Variants in N4BP3 observed in about 807,000 individuals in gnomAD.
The protein encoded by N4BP3 is NEDD4 binding protein 3.
Under a neutral mutation model 43.8 loss-of-function variants are expected in N4BP3, and 33 were observed. That is an observed-to-expected ratio of 0.75 (90% confidence interval 0.57 to 1.01). The LOEUF (loss-of-function observed/expected upper bound fraction) is 1.01, where lower values mean the gene tolerates loss of function less well. Among genes scored for constraint, N4BP3 ranks in the 50% least tolerant of loss-of-function variants. The pLI, the probability that N4BP3 is intolerant of heterozygous loss-of-function variation, is 0.00. For synonymous variants in N4BP3, 326 were observed against 321.9 expected (o/e 1.01, Z -0.14); for missense variants, 756 against 744.2 (o/e 1.02, Z -0.18).
chr5:178,114,485 T>G (rs1028940025), intron 1 of N4BP3, among the ~76,000 whole-genome samples: 2 of 152,112 alleles, frequency 1.3e-5, no homozygotes, highest in African/African-American at 4.8e-5. Context: ...AGGGCTGGCC[T>G]GGGGACAAGC....
In N4BP3 at chr5:178,119,723, G is replaced by A. The variant is rs150025670; in HGVS notation, c.140G>A (p.Arg47Gln). The A allele has an allele frequency of 1.2e-5, 20 of 1,613,282 alleles. No homozygotes were observed. Among genetic ancestry groups the A allele is most frequent in the Admixed American group, 5.0e-5 (3 of 59,974 alleles). Residue 47 changes from arginine (R) to glutamine (Q), a missense_variant, in exon 2 of 5, where the codon CGG becomes CAG. Arg to Gln is a conservative substitution (Grantham distance 43). Transcript: ENST00000274605. ...RGSRQPDGLL[R>Q]KGLGQREFLS... is the part of the protein sequence containing the mutation. ...TCCCGCCAGCCTGATGGGCTCCTCC[G>A]GAAGGGCTTGGGCCAGCGTGAGTTC...
chr5:178,116,845 C>T (rs1757783929), intron 1 of N4BP3, among the ~76,000 whole-genome samples: 1 of 152,202 alleles, frequency 6.6e-6, no homozygotes, highest in Non-Finnish European at 1.5e-5. Context: ...GTATTTGGCA[C>T]TGCTGCCAAC....
rs557780524 is a variant in N4BP3 at position 178,120,021 on chromosome 5, G to A, written c.330+108G>A. 29 of 1,470,552 alleles carry A rather than the reference G, an allele frequency of 2.0e-5. No homozygotes were observed. The African/African-American group carries it at 3.2e-4, about 16-fold the overall frequency. The allele number at this position is 1,470,552 out of a possible 1,614,324, so 91.1% of individuals were successfully genotyped here. On this transcript the variant is annotated intron_variant, in intron 2 of 4. Transcript: ENST00000274605. ...CGGGGCATGCTGAGATACGAAAATC[G>A]TGCTATGGGCTGGCCTGAGGTTTGT...
Position 178,120,542 on chromosome 5 carries a change from C to T in N4BP3, c.695C>T (p.Ala232Val), listed in dbSNP as rs201934010. The T allele has an allele frequency of 7.8e-5, 126 of 1,613,122 alleles. 2 individuals are homozygous for T. In the Admixed American group the frequency reaches 2.1e-3, roughly 27 times the overall value. The change falls in exon 3 of 5, where the codon GCT becomes GTT. Residue 232 changes from alanine (A) to valine (V), a missense_variant. Transcript: ENST00000274605. ...LDRASQGPKE[A>V]GPPAVLSCLP... ...CGGGCCTCTCAAGGACCCAAGGAGGCTGGGCCACCAGCTGTGCTGAGCTGC... is the reference window on the plus strand; with the variant it reads ...CGGGCCTCTCAAGGACCCAAGGAGGTTGGGCCACCAGCTGTGCTGAGCTGC...
downstream of N4BP3, chr5:178,126,202 A>G (rs1758061320): frequency 6.6e-6 from 1 of 151,596 alleles, no homozygotes; most frequent in Admixed American, 6.6e-5. Context: ...TATTTTTTTG[A>G]GATGGAGTCT....
intron 1 of N4BP3, among the ~76,000 whole-genome samples, chr5:178,117,221 T>C (rs1028080051): frequency 6.6e-6 from 1 of 152,104 alleles, no homozygotes; most frequent in Non-Finnish European, 1.5e-5. Flanking sequence ...GTCTCTGCTG[T>C]CCCCTCCCCA....
In N4BP3 at chr5:178,124,558, T is replaced by G. The variant is rs1450859577; in HGVS notation, c.*2557T>G. 6.6e-6 allele frequency: 1 copy of G among 152,258 alleles called. No homozygotes were observed. The highest frequency in any genetic ancestry group is 2.4e-5 in the African/African-American group (1 of 41,388). The allele number at this position is 152,258 out of a possible 1,614,324, so 9.4% of individuals were successfully genotyped here. ...CTGGCTTAGCCTTCCCTGCAGCCCCTCCCCAACAGGCTTGGTCCGGGCAGC... is the reference window on the plus strand; with the variant it reads ...CTGGCTTAGCCTTCCCTGCAGCCCCGCCCCAACAGGCTTGGTCCGGGCAGC... On this transcript the variant is annotated 3_prime_UTR_variant, in exon 5 of 5. Transcript: ENST00000274605.
At position 178,121,255 on chromosome 5, in the gene N4BP3, T is replaced by A; in HGVS notation, c.1010T>A (p.Leu337Gln). 1 of 1,606,510 alleles carries A rather than the reference T, an allele frequency of 6.2e-7. No homozygotes were observed. ...QQEQRRLRKE[L>Q]RAQQGLAPEP... ...GAGCAGCGGCGCCTGCGCAAGGAGC[T>A]GCGGGCTCAGCAGGGCCTGGCTCCG... Residue 337 changes from leucine (L) to glutamine (Q), a missense_variant, in exon 4 of 5, where the codon CTG becomes CAG. Coordinates refer to ENST00000274605, the MANE Select transcript of N4BP3 (RefSeq NM_015111.2).
rs1336608271 is a variant in N4BP3 at position 178,121,766 on chromosome 5, A to G, written c.1400A>G (p.Gln467Arg). 10 of 1,608,302 alleles carry G rather than the reference A, an allele frequency of 6.2e-6. No homozygotes were observed. Among genetic ancestry groups the G allele is most frequent in the Non-Finnish European group, 8.5e-6 (10 of 1,179,720 alleles). The change falls in exon 5 of 5, where the codon CAG (glutamine) becomes CGG (arginine). Residue 467 changes from glutamine (Q) to arginine (R), a missense_variant. Coordinates refer to ENST00000274605, the MANE Select transcript of N4BP3 (RefSeq NM_015111.2). ...GGSEARDSAEQLRAELLQERL... is the reference protein window; with the variant it reads ...GGSEARDSAERLRAELLQERL... Reference sequence around the variant, plus strand: ...AGCGAGGCCAGAGACAGTGCTGAGCAGCTGCGGGCTGAGCTGCTGCAGGAG... The same window carrying G: ...AGCGAGGCCAGAGACAGTGCTGAGCGGCTGCGGGCTGAGCTGCTGCAGGAG...
rs1264723169 is a variant in N4BP3 at position 178,120,384 on chromosome 5, G to A, written c.537G>A (p.Glu179=). 22 of 1,612,610 alleles carry A rather than the reference G, an allele frequency of 1.4e-5. No individual in the cohort carries two copies. The highest frequency in any genetic ancestry group is 1.6e-5 in the Non-Finnish European group (19 of 1,179,880). The change falls in exon 3 of 5, where the codon GAG becomes GAA. Residue 179 remains glutamate (E), a synonymous_variant. Coordinates refer to ENST00000274605, the MANE Select transcript of N4BP3 (RefSeq NM_015111.2). The part of the protein sequence containing the change: ...AQLLHALSLD[E]GGPEPEPSLS... The stretch of plus-strand genomic sequence containing the variant: ...TGCTGCACGCCCTCAGCCTAGATGA[G>A]GGCGGCCCTGAGCCCGAGCCCAGCC...
At chr5:178,115,590 C>T (rs1278442652) in intron 1 of N4BP3, among the ~76,000 whole-genome samples, 3 of 152,230 alleles carry the variant, frequency 2.0e-5, no homozygotes, top group African/African-American at 4.8e-5. Context: ...TGCTTTCTCC[C>T]CTGCGGCTGA....
intron 1 of N4BP3, among the ~76,000 whole-genome samples, chr5:178,116,027 C>T (rs1448630356): frequency 6.6e-6 from 1 of 152,196 alleles, no homozygotes; most frequent in Non-Finnish European, 1.5e-5. Context: ...GTTTGCCGCT[C>T]CCAGCTCAGG....
chr5:178,115,751 C>T (rs1032295728), intron 1 of N4BP3, among the ~76,000 whole-genome samples: 2 of 152,202 alleles, frequency 1.3e-5, no homozygotes, highest in African/African-American at 4.8e-5. Context: ...TCTGGGACGC[C>T]CCCCTCAAAG....
intron 3 of N4BP3, 131 bp from the exon 4 acceptor site, chr5:178,120,967 T>TA: frequency 7.6e-7 from 1 of 1,320,376 alleles, no homozygotes; most frequent in Admixed American, 2.8e-5. Context: ...CATCCCGGGT[T>TA]AAAGCGCATG....
Position 178,121,488 on chromosome 5 carries a change from A to C in N4BP3, c.1122A>C (p.Thr374=). Residue 374 remains threonine, a synonymous_variant, in exon 5 of 5, where the codon ACA becomes ACC. Coordinates refer to ENST00000274605, the MANE Select transcript of N4BP3 (RefSeq NM_015111.2). Reference sequence around the variant, plus strand: ...CCATCCCCCAGGTGTGCCAGAAGACAGCAGAGATTAGCCTCTTGAAGCAGC... The same window carrying C: ...CCATCCCCCAGGTGTGCCAGAAGACCGCAGAGATTAGCCTCTTGAAGCAGC... The part of the protein sequence containing the change: ...EEARWEVCQK[T]AEISLLKQQL... 1 of 1,613,918 alleles carries C rather than the reference A, an allele frequency of 6.2e-7. No homozygotes were observed.
chr5:178,126,962 T>A, downstream of N4BP3, among the ~76,000 whole-genome samples: 1 of 152,238 alleles, frequency 6.6e-6, no homozygotes, highest in Admixed American at 6.5e-5. Flanking sequence ...AGTCTGGCCC[T>A]TACTAGAGTC....
chr5:178,126,777 A>G (rs960555291), downstream of N4BP3, among the ~76,000 whole-genome samples: 3 of 152,200 alleles, frequency 2.0e-5, no homozygotes, highest in African/African-American at 7.2e-5. Context: ...AAGGATACTG[A>G]AGGTGATACC....
In N4BP3 at chr5:178,119,665, G is replaced by A. The variant is rs1239411125; in HGVS notation, c.82G>A (p.Glu28Lys). The A allele has an allele frequency of 1.2e-6, 2 of 1,607,116 alleles. No homozygotes were observed. Among genetic ancestry groups the A allele is most frequent in the Admixed American group, 1.7e-5 (1 of 59,356 alleles). ...GGAACGGCAGGACTTCTCCCCTGAA[G>A]AGCTGCGGGCGGCACTTGCCGGGTC... The part of the protein sequence containing the change: ...LLERQDFSPE[E>K]LRAALAGSRG... The change falls in exon 2 of 5, where the codon GAG (glutamate) becomes AAG (lysine). Residue 28 changes from glutamate (E) to lysine (K), a missense_variant. Transcript: ENST00000274605.
In N4BP3 at chr5:178,120,689, C is replaced by G. The variant is rs1332000166; in HGVS notation, c.842C>G (p.Pro281Arg). Residue 281 changes from proline to arginine, a missense_variant, in exon 3 of 5, where the codon CCC becomes CGC. By Grantham distance (103) the Pro-to-Arg change is moderately radical. Coordinates refer to ENST00000274605, the MANE Select transcript of N4BP3 (RefSeq NM_015111.2). ...RGLGDEDGSN[P>R]FTQVLEERQR... ...CTTGGCGATGAGGACGGCTCCAACC[C>G]CTTCACGCAGGTGAGGGAGCCCCTG... 1.9e-6 allele frequency: 3 copies of G among 1,588,878 alleles called. No homozygotes were observed. The highest frequency in any genetic ancestry group is 3.3e-4 in the Middle Eastern group (2 of 6,040).
Sources: gnomAD v4.1 joint callset for allele counts (sites outside exome capture counted in the v4.1 genomes callset) on GRCh38, gnomAD v4.1.1 for gene constraint, MANE v1.5 for transcripts, NCBI Gene and HGNC (gene_info 2026-07-23, HGNC 2026-07-21) for gene names.